The following IFT122 variants were observed in gnomAD, a reference collection of about 807,000 sequenced individuals.
IFT122 encodes intraflagellar transport 122.
In IFT122, 118 loss-of-function variants were observed where a neutral mutation model predicts 161.6. The ratio of observed to expected loss-of-function variants is 0.73; its 90% CI spans 0.63 to 0.85. IFT122 has a LOEUF of 0.85. IFT122 is among the 40% of genes least tolerant of loss of function. IFT122 has a pLI of 0.00. For synonymous variants in IFT122, 550 were observed against 602.4 expected (o/e 0.91, Z 1.27); for missense variants, 1,381 against 1,579.6 (o/e 0.87, Z 2.13).
intron 9 of IFT122, 109 bp from the exon 10 acceptor site, chr3:129,476,206 C>G (rs2077928706): frequency 8.2e-7 from 1 of 1,213,840 alleles, no homozygotes; most frequent in African/African-American, 1.5e-5. Flanking sequence ...CCAGCTCTCC[C>G]TGTCTTCCCA....
chr3:129,516,197 C>T (rs1405605920), intron 26 of IFT122, among the ~76,000 whole-genome samples: 4 of 145,636 alleles, frequency 2.7e-5, no homozygotes, highest in Admixed American at 6.8e-5. Context: ...ACCGCCCCTG[C>T]ACACACACGG....
chr3:129,464,057 C>A (rs1263922914), intron 6 of IFT122, among the ~76,000 whole-genome samples: 7 of 152,320 alleles, frequency 4.6e-5, no homozygotes, highest in African/African-American at 1.7e-4. Context: ...CGTTCCTCAT[C>A]TGACAGATAG....
In IFT122 at chr3:129,449,909, T is replaced by G. The variant is rs772212316; in HGVS notation, c.80T>G (p.Leu27Arg). 2.5e-6 allele frequency: 4 copies of G among 1,613,622 alleles called. No individual in the cohort carries two copies. In the East Asian group the frequency reaches 8.9e-5, roughly 36 times the overall value. Residue 27 changes from leucine to arginine, a missense_variant, in exon 2 of 30, where the codon CTG (leucine) becomes CGG (arginine). Transcript: ENST00000348417. ...DIAFKPDGTQ[L>R]ILAAGSRLLV... ...GCATTTAAGCCTGATGGAACTCAAC[T>G]GATTTTGGCTGCCGGAAGCAGATTA... is the stretch of plus-strand genomic sequence containing the variant.
Position 129,444,314 on chromosome 3 carries a change from C to T in IFT122, c.41+3943C>T, listed in dbSNP as rs1015363269. 6.6e-5 allele frequency among the ~76,000 whole-genome samples: 10 copies of T among 152,336 alleles called. No homozygotes were observed. The East Asian group carries it at 9.6e-4, about 15-fold the overall frequency. On this transcript the variant is annotated intron_variant, in intron 1 of 29. Transcript: ENST00000348417. ...CTGTTACCACATAATGGTGAGGAAG[C>T]TGAAAAACTCAGGGCTTCAGTTTGC...
intron 1 of IFT122, 65 bp from the exon 2 acceptor site, chr3:129,449,806 C>A (rs3774764): frequency 9.3e-7 from 1 of 1,071,420 alleles, no homozygotes; most frequent in South Asian, 1.2e-5. Flanking sequence ...AGTTTACTTT[C>A]CTGGCCATTA....
chr3:129,461,418 C>T (rs1489706991), intron 5 of IFT122, 114 bp downstream of exon 5: 3 of 804,246 alleles, frequency 3.7e-6, no homozygotes, highest in South Asian at 2.8e-5. Flanking sequence ...TACTACTTCT[C>T]TACCTTCAAT....
At chr3:129,476,030 G>A (rs1177940689) in intron 9 of IFT122, 6 of 477,942 alleles carry the variant, frequency 1.3e-5, no homozygotes, top group African/African-American at 2.0e-5. Context: ...CCATCTTGGC[G>A]GAGGAGCCCT....
intron 3 of IFT122, chr3:129,457,928 C>T (rs762766266): frequency 1.3e-4 from 20 of 158,768 alleles, no homozygotes; most frequent in African/African-American, 1.7e-4. Flanking sequence ...TTAGTAGAGA[C>T]GGGGTTTCAC....
In IFT122 at chr3:129,467,005, G is replaced by A. The variant is rs747642457; in HGVS notation, c.679G>A (p.Gly227Ser). The A allele has an allele frequency of 1.9e-6, 3 of 1,614,212 alleles. No homozygotes were observed. Among genetic ancestry groups the A allele is most frequent in the Admixed American group, 3.3e-5 (2 of 60,028 alleles). ...GAAGTCAGCAGTGTACAGTAGTCAG[G>A]GTAGTGAGGCAGAGGAGGAAGAACC... ...TLKSAVYSSQ[G>S]SEAEEEEPEE... Residue 227 changes from glycine to serine, a missense_variant, in exon 8 of 30, where the codon GGT (glycine) becomes AGT (serine). Coordinates refer to ENST00000348417, the MANE Select transcript of IFT122 (RefSeq NM_052989.3).
intron 15 of IFT122, among the ~76,000 whole-genome samples, chr3:129,486,303 C>A (rs879689176): frequency 1.2e-4 from 19 of 152,168 alleles, no homozygotes; most frequent in Non-Finnish European, 2.5e-4. Context: ...TCTGCCATCT[C>A]AAGCAGCTGT....
intron 3 of IFT122, among the ~76,000 whole-genome samples, chr3:129,456,889 C>T (rs900737835): frequency 2.6e-5 from 4 of 152,198 alleles, no homozygotes; most frequent in Admixed American, 1.3e-4. Flanking sequence ...GCACTATAGC[C>T]TGGGCAACAG....
intron 18 of IFT122, among the ~76,000 whole-genome samples, chr3:129,498,788 G>A (rs557720239): frequency 1.3e-5 from 2 of 152,226 alleles, no homozygotes; most frequent in South Asian, 4.2e-4. Context: ...TCTCCACAGG[G>A]TACATTATTC....
chr3:129,459,609 T>TTTCCTTCCTTCC lies in IFT122; in HGVS notation c.272+949_272+960dup, dbSNP rs57673836. 1.1e-3 allele frequency among the ~76,000 whole-genome samples: 143 copies of TTTCCTTCCTTCC among 127,678 alleles called. 1 individual carries two copies. Among genetic ancestry groups the TTTCCTTCCTTCC allele is most frequent in the African/African-American group, 4.7e-3 (142 of 30,030 alleles). 83.8% of individuals were successfully genotyped at this position (127,678 alleles called of 152,430 possible). A position where few individuals can be genotyped will look rare whatever the true frequency, so the allele number is the denominator to read the frequency against. On this transcript the variant is annotated intron_variant, in intron 4 of 29. Transcript: ENST00000348417. Reference sequence around the variant, plus strand: ...CTCACCAATTTTCCTTCCTTCCTTCTTTCCTTCCTTCCTTCCTTCCTTCCT... The same window carrying TTTCCTTCCTTCC: ...CTCACCAATTTTCCTTCCTTCCTTCTTTCCTTCCTTCCTTCCTTCCTTCCTTCCTTCCTTCCT...
chr3:129,505,327 G>C (rs1162679499), intron 21 of IFT122, among the ~76,000 whole-genome samples: 1 of 152,124 alleles, frequency 6.6e-6, no homozygotes, highest in Non-Finnish European at 1.5e-5. Flanking sequence ...TCTGATTTAC[G>C]CTTCTATATG....
intron 19 of IFT122, among the ~76,000 whole-genome samples, chr3:129,502,418 T>C (rs1171356785): frequency 6.6e-6 from 1 of 152,210 alleles, no homozygotes; most frequent in Non-Finnish European, 1.5e-5. Context: ...CATGGCGTCA[T>C]CTGGGTACCT....
chr3:129,488,230 T>C lies in IFT122; in HGVS notation c.1852-27T>C, dbSNP rs763108634. On this transcript the variant is annotated intron_variant, in intron 15 of 29. Coordinates refer to ENST00000348417, the MANE Select transcript of IFT122 (RefSeq NM_052989.3). ...TTCCATGGCTCTGAAAACAGTCTTC[T>C]TTTTTTCCCTTGATGAAATCCTGCA... The C allele has an allele frequency of 3.1e-6, 5 of 1,613,700 alleles. No homozygotes were observed. In the South Asian group the frequency reaches 5.5e-5, roughly 18 times the overall value.
intron 9 of IFT122, among the ~76,000 whole-genome samples, chr3:129,472,954 A>G (rs2077518477): frequency 6.6e-6 from 1 of 152,026 alleles, no homozygotes; most frequent in African/African-American, 2.4e-5. Context: ...TTTATTCATT[A>G]CAAGCGTATT....
In IFT122 at chr3:129,514,375, C is replaced by T. The variant is rs1186576054; in HGVS notation, c.2988-14C>T. On this transcript the variant is annotated splice_polypyrimidine_tract_variant and intron_variant, in intron 24 of 29. Coordinates refer to ENST00000348417, the MANE Select transcript of IFT122 (RefSeq NM_052989.3). ...TGGTGTTGCCCCTGCTGTCCTTAAC[C>T]CTGTTCACGGCAGGAAAATACTCTT... 1 of 1,614,020 alleles carries T rather than the reference C, an allele frequency of 6.2e-7. No individual in the cohort carries two copies. Among genetic ancestry groups the T allele is most frequent in the South Asian group, 1.1e-5 (1 of 91,062 alleles).
At chr3:129,504,222 C>A in intron 20 of IFT122, 97 bp from the exon 21 acceptor site, 2 of 1,059,978 alleles carry the variant, frequency 1.9e-6, no homozygotes, top group Non-Finnish European at 2.9e-6. Context: ...GTCAGGCTGG[C>A]AAAATATGAT....
Sources: allele counts gnomAD v4.1 joint callset (sites outside exome capture counted in the v4.1 genomes callset), GRCh38; gene constraint gnomAD v4.1.1; transcripts MANE v1.5; gene names NCBI Gene and HGNC (gene_info 2026-07-23, HGNC 2026-07-21).